ATF2: variants seen among roughly 807,000 people sequenced by gnomAD.
ATF2 encodes the protein cyclic AMP-dependent transcription factor ATF-2.
A neutral mutation model predicts 60.6 loss-of-function variants in ATF2; 24 were observed. The observed-to-expected ratio is 0.40, with a 90% CI of 0.29 to 0.56. ATF2 has a LOEUF of 0.56. ATF2 is among the 20% of genes least tolerant of loss of function. The pLI is 0.54. For synonymous variants in ATF2, 206 were observed against 215.4 expected (o/e 0.96, Z 0.38); for missense variants, 433 against 607.7 (o/e 0.71, Z 3.02).
chr2:175,146,661 T>C (rs1020391301), intron 2 of ATF2, among the ~76,000 whole-genome samples: 1 of 152,170 alleles, frequency 6.6e-6, no homozygotes, highest in African/African-American at 2.4e-5. Flanking sequence ...AAACAAACAA[T>C]TCATAGGCTT....
chr2:175,090,284 T>C (rs139402307), intron 12 of ATF2, among the ~76,000 whole-genome samples: 161 of 152,262 alleles, frequency 1.1e-3, no homozygotes, highest in African/African-American at 3.5e-3. Context: ...CTATATTCTT[T>C]CACTTAACAT....
intron 12 of ATF2, among the ~76,000 whole-genome samples, chr2:175,090,985 G>T (rs1694507171): frequency 6.6e-6 from 1 of 152,130 alleles, no homozygotes; most frequent in African/African-American, 2.4e-5. Flanking sequence ...AACCAGTGCT[G>T]CAGTGTAACT....
At chr2:175,112,381 G>GAAC (rs2307609) in intron 9 of ATF2, among the ~76,000 whole-genome samples, 39,548 of 151,748 alleles carry the variant, frequency 0.26, 6,078 homozygotes, top group African/African-American at 0.44. Context: ...AATGCATTTT[G>GAAC]AACAAAGTTC....
chr2:175,098,512 G>C (rs1323280091), intron 10 of ATF2, among the ~76,000 whole-genome samples: 1 of 152,182 alleles, frequency 6.6e-6, no homozygotes, highest in Non-Finnish European at 1.5e-5. Flanking sequence ...TGAGGGGATG[G>C]AGGCTAATAA....
rs1432474549 is a variant in ATF2, at chr2:175,080,597, AGTT to A, written c.1291+60_1291+62del. On this transcript the variant is annotated intron_variant, in intron 13 of 13. Transcript: ENST00000264110. ...GTCTCCATTTTTAAAGTAGCAGCTC[AGTT>A]CACTCTGACGGTATTTCACTGACGT... The A allele has an allele frequency of 1.1e-5, 14 of 1,234,266 alleles. No homozygotes were observed. In the East Asian group the frequency reaches 2.9e-4, roughly 25 times the overall value. 76.5% of individuals were successfully genotyped at this position (1,234,266 alleles called of 1,614,324 possible).
chr2:175,073,652 A>G lies in ATF2; in HGVS notation c.*957T>C, dbSNP rs1489538755. On this transcript the variant is annotated 3_prime_UTR_variant, in exon 14 of 14. Coordinates refer to ENST00000264110, the MANE Select transcript of ATF2 (RefSeq NM_001880.4). ...GTACAAGTTAGCTCGCAAGTACAAGACAATGGGGGTAAACAGTCTTAAATT... is the reference window on the plus strand; with the variant it reads ...GTACAAGTTAGCTCGCAAGTACAAGGCAATGGGGGTAAACAGTCTTAAATT... 2 of 152,136 alleles carry G rather than the reference A, an allele frequency of 1.3e-5. No individual in the cohort carries two copies. Among genetic ancestry groups the G allele is most frequent in the Non-Finnish European group, 2.9e-5 (2 of 68,022 alleles). The allele number at this position is 152,136 out of a possible 1,614,324, so 9.4% of individuals were successfully genotyped here. A position where few individuals can be genotyped will look rare whatever the true frequency, so the allele number is the denominator to read the frequency against.
At chr2:175,107,892 G>A (rs951919939) in intron 10 of ATF2, among the ~76,000 whole-genome samples, 1 of 152,220 alleles carries the variant, frequency 6.6e-6, no homozygotes, top group African/African-American at 2.4e-5. Context: ...AGGCTGGAGT[G>A]CAGTGGCGTG....
At chr2:175,108,211 G>A (rs1271850927) in intron 10 of ATF2, among the ~76,000 whole-genome samples, 6 of 151,450 alleles carry the variant, frequency 4.0e-5, no homozygotes, top group African/African-American at 7.3e-5. Flanking sequence ...GAGCCCCGCC[G>A]CCCGGCAGCC....
chr2:175,146,178 T>C (rs145369021), intron 2 of ATF2, among the ~76,000 whole-genome samples: 10 of 152,284 alleles, frequency 6.6e-5, no homozygotes, highest in Non-Finnish European at 1.5e-4. Context: ...TAACCCCAAA[T>C]TGAGGTAAAC....
intron 2 of ATF2, among the ~76,000 whole-genome samples, chr2:175,150,731 C>A (rs1270477712): frequency 1.3e-5 from 2 of 152,058 alleles, no homozygotes; most frequent in African/African-American, 4.8e-5. Flanking sequence ...TATTATTATT[C>A]TTAGAAGAAC....
chr2:175,137,276 T>C (rs990350975), intron 2 of ATF2, among the ~76,000 whole-genome samples: 1 of 152,174 alleles, frequency 6.6e-6, no homozygotes. Flanking sequence ...TTTCTTCCCT[T>C]GTCCCATGCA....
chr2:175,147,058 A>G (rs1019385851), intron 2 of ATF2, among the ~76,000 whole-genome samples: 4 of 152,210 alleles, frequency 2.6e-5, no homozygotes, highest in Non-Finnish European at 5.9e-5. Flanking sequence ...TCTGCACTGC[A>G]AGGTTAAGAG....
In ATF2 at chr2:175,160,755, AAAG is replaced by A. The variant is rs752563935; in HGVS notation, c.-143+7292_-143+7294del. 5.3e-5 allele frequency among the ~76,000 whole-genome samples: 8 copies of A among 152,236 alleles called. No homozygotes were observed. In the East Asian group the frequency reaches 1.4e-3, roughly 26 times the overall value. On this transcript the variant is annotated intron_variant, in intron 1 of 13. Transcript: ENST00000264110. ...ATAATAGGATTGGTGGAGTAGAAGA[AAAG>A]AATAGTTGGGGTGGGGAGCAGCCTG...
chr2:175,117,233 GA>G (rs5836483), intron 7 of ATF2, among the ~76,000 whole-genome samples: 20 of 149,176 alleles, frequency 1.3e-4, no homozygotes, highest in Admixed American at 7.4e-4. Context: ...AGAAAATGAA[GA>G]AAAAAAAACA....
At chr2:175,112,250 C>T (rs1696248129) in intron 9 of ATF2, among the ~76,000 whole-genome samples, 1 of 151,998 alleles carries the variant, frequency 6.6e-6, no homozygotes, top group African/African-American at 2.4e-5. Context: ...TCACTAGGTA[C>T]ATGTAACAGG....
chr2:175,138,733 C>G (rs1306067002), intron 2 of ATF2, among the ~76,000 whole-genome samples: 11 of 152,180 alleles, frequency 7.2e-5, no homozygotes, highest in Non-Finnish European at 1.5e-5. Context: ...TTTGTGATAC[C>G]TTCCCCATAA....
intron 2 of ATF2, among the ~76,000 whole-genome samples, chr2:175,143,770 T>C (rs983721007): frequency 6.6e-6 from 1 of 152,158 alleles, no homozygotes; most frequent in African/African-American, 2.4e-5. Flanking sequence ...TTTGTAGTTC[T>C]ATGTAAAATG....
chr2:175,146,536 T>C (rs76338656), intron 2 of ATF2, among the ~76,000 whole-genome samples: 5,205 of 152,328 alleles, frequency 0.034, 295 homozygotes, highest in African/African-American at 0.12. Context: ...GTAAATAATA[T>C]GCACTGTAAT....
At chr2:175,082,184 A>G (rs1315101336) in intron 12 of ATF2, among the ~76,000 whole-genome samples, 2 of 152,228 alleles carry the variant, frequency 1.3e-5, no homozygotes, top group African/African-American at 4.8e-5. Flanking sequence ...ACAGTTCCTC[A>G]CACCCCAATA....
Sources: allele counts gnomAD v4.1 joint callset (sites outside exome capture counted in the v4.1 genomes callset), GRCh38; gene constraint gnomAD v4.1.1; transcripts MANE v1.5; gene names NCBI Gene and HGNC (gene_info 2026-07-23, HGNC 2026-07-21).